ANKS1A: variants seen among roughly 807,000 people sequenced by gnomAD.
The protein encoded by ANKS1A is ankyrin repeat and SAM domain-containing protein 1A.
Under a neutral mutation model 120.3 loss-of-function variants are expected in ANKS1A, and 55 were observed. The ratio of observed to expected loss-of-function variants is 0.46; its 90% CI spans 0.37 to 0.57. ANKS1A has a LOEUF of 0.57. Ranked by LOEUF, ANKS1A falls within the 20% of genes least tolerant of loss-of-function variation. The probability of loss-of-function intolerance (pLI) is 0.00; values close to 1 mark genes in which losing one functional copy is unlikely to be tolerated. For synonymous variants in ANKS1A, 590 were observed against 604.7 expected, an observed-to-expected ratio of 0.98 and a Z score of 0.36; for missense variants, 1,123 against 1,480.3, an observed-to-expected ratio of 0.76 and a Z score of 3.96.
At chr6:34,898,426 T>C (rs35760768) in intron 1 of ANKS1A, among the ~76,000 whole-genome samples, 11,095 of 152,204 alleles carry the variant, frequency 0.073, 617 homozygotes, top group East Asian at 0.23. Context: ...CCTGGAAACA[T>C]TGTATTTCTA....
At position 34,989,335 on chromosome 6, in the gene ANKS1A, A is replaced by AT. The variant is rs754254872; in HGVS notation, c.1302+21dup. The AT allele has an allele frequency of 6.2e-7, 1 of 1,604,540 alleles. No individual in the cohort carries two copies. The highest frequency in any genetic ancestry group is 1.1e-5 in the South Asian group (1 of 89,102). On this transcript the variant is annotated intron_variant, in intron 9 of 23. Coordinates refer to ENST00000360359, the MANE Select transcript of ANKS1A (RefSeq NM_015245.3). ...TTCTGAGGTAGAGGGTTGTGGGTTT[A>AT]TTCCCCATTGCTGAAATTTGAGTTT...
At chr6:34,923,461 T>G (rs1479373466) in intron 1 of ANKS1A, among the ~76,000 whole-genome samples, 1 of 152,158 alleles carries the variant, frequency 6.6e-6, no homozygotes, top group East Asian at 1.9e-4. Context: ...TCTGGAATAA[T>G]GTTAGTAGTT....
At chr6:34,927,168 G>C (rs1397936823) in intron 1 of ANKS1A, among the ~76,000 whole-genome samples, 1 of 151,988 alleles carries the variant, frequency 6.6e-6, no homozygotes, top group East Asian at 1.9e-4. Flanking sequence ...TATAAGTGCT[G>C]GAGGAATTCA....
intron 7 of ANKS1A, among the ~76,000 whole-genome samples, chr6:34,984,819 T>G (rs1772096523): frequency 6.6e-6 from 1 of 152,220 alleles, no homozygotes; most frequent in African/African-American, 2.4e-5. Context: ...ATTTTGGGAC[T>G]TTATAAAGGC....
intron 1 of ANKS1A, among the ~76,000 whole-genome samples, chr6:34,942,673 T>A (rs1055769157): frequency 6.6e-6 from 1 of 152,110 alleles, no homozygotes; most frequent in Non-Finnish European, 1.5e-5. Flanking sequence ...TCTTTTTTCA[T>A]CCTGATACTG....
At chr6:35,068,564 T>C (rs1254753227) in intron 13 of ANKS1A, among the ~76,000 whole-genome samples, 1 of 152,202 alleles carries the variant, frequency 6.6e-6, no homozygotes, top group Non-Finnish European at 1.5e-5. Context: ...TGTGGCCTAA[T>C]TTGCAATTTC....
chr6:35,018,035 C>G lies in ANKS1A; in HGVS notation c.1986C>G (p.Pro662=). The change falls in exon 11 of 24, where the codon CCC becomes CCG. Residue 662 remains proline, a synonymous_variant. Coordinates refer to ENST00000360359, the MANE Select transcript of ANKS1A (RefSeq NM_015245.3). ...SIGKKRLEKS[P]SFASEWDEIE... is the part of the protein sequence containing the mutation. The stretch of plus-strand genomic sequence containing the variant: ...GGAAGAAAAGGCTAGAGAAGTCACC[C>G]TCCTTCGCCTCGGAGTGGGATGAGG... The G allele has an allele frequency of 6.2e-7, 1 of 1,613,806 alleles. No homozygotes were observed. Among genetic ancestry groups the G allele is most frequent in the Non-Finnish European group, 8.5e-7 (1 of 1,179,948 alleles).
intron 3 of ANKS1A, among the ~76,000 whole-genome samples, chr6:34,973,885 T>TCCCTTCCCCTTC (rs1306140579): frequency 2.5e-5 from 1 of 40,632 alleles, no homozygotes; most frequent in Admixed American, 2.6e-4. Context: ...CCCTTCCCCT[T>TCCCTTCCCCTTC]CACTTCCCCT....
Position 34,983,391 on chromosome 6 carries a change from C to T in ANKS1A, c.978C>T (p.Ile326=). 6.2e-7 allele frequency: 1 copy of T among 1,614,050 alleles called. No homozygotes were observed. Among genetic ancestry groups the T allele is most frequent in the Non-Finnish European group, 8.5e-7 (1 of 1,180,004 alleles). ...CCCCCCCACCCCAGCCACCTCTCAT[C>T]TCCAGTATGGACTCCATATCACAGA... is the stretch of plus-strand genomic sequence containing the variant. The part of the protein sequence containing the change: ...DKTPPPQPPL[I]SSMDSISQKS... Residue 326 remains isoleucine (I), a synonymous_variant, in exon 7 of 24, where the codon ATC becomes ATT. Coordinates refer to ENST00000360359, the MANE Select transcript of ANKS1A (RefSeq NM_015245.3).
chr6:35,026,022 G>T lies in ANKS1A; in HGVS notation c.2010+7963G>T, dbSNP rs897328104. Reference sequence around the variant, plus strand: ...TTTCCTTTTCTCCCTTTTTTGTTATGTTACAAACTGAAAGCTTGGGTGACA... The same window carrying T: ...TTTCCTTTTCTCCCTTTTTTGTTATTTTACAAACTGAAAGCTTGGGTGACA... On this transcript the variant is annotated intron_variant, in intron 11 of 23. Transcript: ENST00000360359. Among the ~76,000 whole-genome samples the T allele has an allele frequency of 5.3e-5, 8 of 152,134 alleles. No homozygotes were observed. In the East Asian group the frequency reaches 1.5e-3, roughly 29 times the overall value.
At chr6:34,985,579 T>C (rs1313440377) in intron 8 of ANKS1A, among the ~76,000 whole-genome samples, 1 of 152,234 alleles carries the variant, frequency 6.6e-6, no homozygotes. Context: ...TATTTAGCCT[T>C]AGTGTTGCTT....
intron 20 of ANKS1A, among the ~76,000 whole-genome samples, chr6:35,083,782 C>T (rs778500102): frequency 6.6e-6 from 1 of 152,166 alleles, no homozygotes. Flanking sequence ...TGATTCCCTC[C>T]GTGAGCAAAG....
intron 3 of ANKS1A, among the ~76,000 whole-genome samples, chr6:34,979,651 G>A (rs1004161979): frequency 6.6e-6 from 1 of 151,878 alleles, no homozygotes; most frequent in Non-Finnish European, 1.5e-5. Context: ...AGCCCTAATG[G>A]CATACTTTTT....
At chr6:35,088,554 G>A (rs1046162752) in intron 23 of ANKS1A, 52 bp from the exon 24 acceptor site, 32 of 1,607,468 alleles carry the variant, frequency 2.0e-5, no homozygotes, top group South Asian at 7.7e-5. Context: ...TCCACCGTCC[G>A]CAGGCCCCAT....
intron 1 of ANKS1A, among the ~76,000 whole-genome samples, chr6:34,930,605 T>G (rs1768932669): frequency 6.6e-6 from 1 of 152,234 alleles, no homozygotes; most frequent in African/African-American, 2.4e-5. Flanking sequence ...GGTTTGTCTC[T>G]CCTCTTTCCT....
chr6:34,918,121 A>G (rs1401768932), intron 1 of ANKS1A, among the ~76,000 whole-genome samples: 3 of 152,236 alleles, frequency 2.0e-5, no homozygotes, highest in South Asian at 4.1e-4. Flanking sequence ...CATGATTGAA[A>G]CCAAAGCCTT....
chr6:35,053,965 C>CT, intron 11 of ANKS1A, 134 bp from the exon 12 acceptor site: 2 of 718,428 alleles, frequency 2.8e-6, no homozygotes, highest in South Asian at 2.9e-5. Flanking sequence ...GTCCTGATAC[C>CT]TTGCAGGCTG....
chr6:35,081,860 CTCT>C (rs1163080473), intron 17 of ANKS1A, among the ~76,000 whole-genome samples: 1 of 152,136 alleles, frequency 6.6e-6, no homozygotes, highest in African/African-American at 2.4e-5. Context: ...GTCCTTTGTC[CTCT>C]TCTTGGCCTG....
intron 1 of ANKS1A, among the ~76,000 whole-genome samples, chr6:34,965,872 G>T (rs998293811): frequency 5.9e-5 from 9 of 151,570 alleles, no homozygotes; most frequent in African/African-American, 2.2e-4. Flanking sequence ...TCATCCTCCC[G>T]AGTAGCTGGG....
Sources: allele counts gnomAD v4.1 joint callset (sites outside exome capture counted in the v4.1 genomes callset), GRCh38; gene constraint gnomAD v4.1.1; transcripts MANE v1.5; gene names NCBI Gene and HGNC (gene_info 2026-07-23, HGNC 2026-07-21).